Variants in IFNA16 observed in about 807,000 individuals in gnomAD.
The protein encoded by IFNA16 is interferon alpha 16, also known as interferon alpha-16.
For synonymous variants in IFNA16, 122 were observed against 83.3 expected, an observed-to-expected ratio of 1.46 and a Z score of -2.53; for missense variants, 332 against 213.5, an observed-to-expected ratio of 1.55 and a Z score of -3.46.
chr9:21,217,001 T>G lies in IFNA16; in HGVS notation c.305A>C (p.Glu102Ala), dbSNP rs144663260. 9.9e-6 allele frequency: 16 copies of G among 1,613,778 alleles called. No individual in the cohort carries two copies. In the African/African-American group the frequency reaches 2.1e-4, roughly 22 times the overall value. Residue 102 changes from glutamate (E) to alanine (A), a missense_variant, in exon 1 of 1, where the codon GAG becomes GCG. Physicochemically the swap from Glu to Ala is moderately radical, Grantham distance 107 (BLOSUM62 -1). Transcript: ENST00000380216. ...STKDSSAAWD[E>A]TLLDKFYIEL... ...AATGTAGAATTTGTCTAGGAGGGTC[T>G]CATCCCAAGCAGCAGATGAATCCTT...
chr9:21,216,707 T>A lies in IFNA16; in HGVS notation c.*29A>T, dbSNP rs1378973953. On this transcript the variant is annotated 3_prime_UTR_variant, in exon 1 of 1. Transcript: ENST00000380216. Reference sequence around the variant, plus strand: ...AAGTGTGAGATGATGTATTAATCAATGAGGATCATTTCCATGTTGAATGAG... The same window carrying A: ...AAGTGTGAGATGATGTATTAATCAAAGAGGATCATTTCCATGTTGAATGAG... The A allele has an allele frequency of 6.2e-7, 1 of 1,606,766 alleles. No homozygotes were observed. Among genetic ancestry groups the A allele is most frequent in the Non-Finnish European group, 8.5e-7 (1 of 1,176,738 alleles).
In IFNA16 at chr9:21,217,054, G is replaced by C; in HGVS notation, c.252C>G (p.Ile84Met). The change falls in exon 1 of 1, where the codon ATC (isoleucine) becomes ATG (methionine). Residue 84 changes from isoleucine (I) to methionine (M), a missense_variant. Physicochemically the swap from Ile to Met is conservative, Grantham distance 10. Transcript: ENST00000380216. ...AQAISAFHEM[I>M]QQTFNLFSTK... ...TGCTGAAGAGATTGAAGGTCTGCTG[G>C]ATCATCTCATGGAAGGCAGAGATGG... 5.0e-6 allele frequency: 8 copies of C among 1,613,864 alleles called. No homozygotes were observed. The highest frequency in any genetic ancestry group is 6.8e-6 in the Non-Finnish European group (8 of 1,179,856).
Position 21,216,594 on chromosome 9 carries a change from C to A in IFNA16, c.*142G>T, listed in dbSNP as rs1818455134. 2 of 1,242,486 alleles carry A rather than the reference C, an allele frequency of 1.6e-6. No homozygotes were observed. The highest frequency in any genetic ancestry group is 1.1e-6 in the Non-Finnish European group (1 of 901,642). 77.0% of individuals were successfully genotyped at this position (1,242,486 alleles called of 1,614,324 possible). A position where few individuals can be genotyped will look rare whatever the true frequency, so the allele number is the denominator to read the frequency against. ...AGTGCCTGCACAGGTAAACACGATG[C>A]TTCTTTACACTCCTGAAAACATTTG... On this transcript the variant is annotated 3_prime_UTR_variant, in exon 1 of 1. Coordinates refer to ENST00000380216, the MANE Select transcript of IFNA16 (RefSeq NM_002173.3).
Position 21,216,811 on chromosome 9 carries a change from C to T in IFNA16, c.495G>A (p.Glu165=). The change falls in exon 1 of 1, where the codon GAG becomes GAA. Residue 165 remains glutamate (E), a synonymous_variant. Coordinates refer to ENST00000380216, the MANE Select transcript of IFNA16 (RefSeq NM_002173.3). ...ATCTCATGATTTCTGCTCTGACAAC[C>T]TCCCAGGCACAAGGGCTGTATTTCT... ...MGKKYSPCAW[E]VVRAEIMRSF... 7 of 1,613,922 alleles carry T rather than the reference C, an allele frequency of 4.3e-6. No homozygotes were observed. Among genetic ancestry groups the T allele is most frequent in the Non-Finnish European group, 5.9e-6 (7 of 1,179,910 alleles).
In IFNA16 at chr9:21,216,785, G is replaced by T. The variant is rs1291962112; in HGVS notation, c.521C>A (p.Ser174Tyr). 6.2e-7 allele frequency: 1 copy of T among 1,613,624 alleles called. No individual in the cohort carries two copies. Among genetic ancestry groups the T allele is most frequent in the Admixed American group, 1.7e-5 (1 of 59,932 alleles). The part of the protein sequence containing the change: ...WEVVRAEIMR[S>Y]FSFSTNLQKG... ...TTGCAAGTTTGTTGAAAAAGAGAAGGATCTCATGATTTCTGCTCTGACAAC... is the reference window on the plus strand; with the variant it reads ...TTGCAAGTTTGTTGAAAAAGAGAAGTATCTCATGATTTCTGCTCTGACAAC... The change falls in exon 1 of 1, where the codon TCC becomes TAC. Residue 174 changes from serine (S) to tyrosine (Y), a missense_variant. By Grantham distance (144) the Ser-to-Tyr change is moderately radical. Transcript: ENST00000380216.
At position 21,216,959 on chromosome 9, in the gene IFNA16, A is replaced by C; in HGVS notation, c.347T>G (p.Leu116Arg). The C allele has an allele frequency of 6.2e-7, 1 of 1,613,842 alleles. No individual in the cohort carries two copies. The highest frequency in any genetic ancestry group is 1.3e-5 in the African/African-American group (1 of 74,934). Residue 116 changes from leucine (L) to arginine (R), a missense_variant, in exon 1 of 1, where the codon CTG (leucine) becomes CGG (arginine). Physicochemically the swap from Leu to Arg is moderately radical, Grantham distance 102. Transcript: ENST00000380216. ...DKFYIELFQQLNDLEACVTQE... is the reference protein window; with the variant it reads ...DKFYIELFQQRNDLEACVTQE... ...TGTCACACAGGCTTCTAGGTCATTC[A>C]GTTGCTGGAAAAGTTCAATGTAGAA...
In IFNA16 at chr9:21,216,952, G is replaced by C; in HGVS notation, c.354C>G (p.Asp118Glu). The change falls in exon 1 of 1, where the codon GAC (aspartate) becomes GAG (glutamate). Residue 118 changes from aspartate (D) to glutamate (E), a missense_variant. Physicochemically the swap from Asp to Glu is conservative, Grantham distance 45. Coordinates refer to ENST00000380216, the MANE Select transcript of IFNA16 (RefSeq NM_002173.3). ...CCTCCTGTGTCACACAGGCTTCTAG[G>C]TCATTCAGTTGCTGGAAAAGTTCAA... ...FYIELFQQLN[D>E]LEACVTQEVG... The C allele has an allele frequency of 6.2e-7, 1 of 1,613,870 alleles. No homozygotes were observed. The highest frequency in any genetic ancestry group is 8.5e-7 in the Non-Finnish European group (1 of 1,179,934).
Position 21,216,462 on chromosome 9 carries a change from A to C in IFNA16, c.*274T>G. ...TACATTAAGCAAAATGTAAAGGTACACATGATATTACATAAAACATGATTT... is the reference window on the plus strand; with the variant it reads ...TACATTAAGCAAAATGTAAAGGTACCCATGATATTACATAAAACATGATTT... On this transcript the variant is annotated 3_prime_UTR_variant, in exon 1 of 1. Coordinates refer to ENST00000380216, the MANE Select transcript of IFNA16 (RefSeq NM_002173.3). 5.1e-6 allele frequency: 1 copy of C among 196,944 alleles called. No homozygotes were observed. The allele number at this position is 196,944 out of a possible 1,614,324, so 12.2% of individuals were successfully genotyped here. A position where few individuals can be genotyped will look rare whatever the true frequency, so the allele number is the denominator to read the frequency against.
In IFNA16 at chr9:21,216,801, C is replaced by T; in HGVS notation, c.505G>A (p.Ala169Thr). The change falls in exon 1 of 1, where the codon GCA becomes ACA. Residue 169 changes from alanine (A) to threonine (T), a missense_variant. Coordinates refer to ENST00000380216, the MANE Select transcript of IFNA16 (RefSeq NM_002173.3). ...YSPCAWEVVR[A>T]EIMRSFSFST... is the part of the protein sequence containing the mutation. ...AAAGAGAAGGATCTCATGATTTCTG[C>T]TCTGACAACCTCCCAGGCACAAGGG... The T allele has an allele frequency of 1.9e-6, 3 of 1,613,918 alleles. No individual in the cohort carries two copies. The highest frequency in any genetic ancestry group is 2.5e-6 in the Non-Finnish European group (3 of 1,179,912).
chr9:21,216,637 T>C lies in IFNA16; in HGVS notation c.*99A>G, dbSNP rs939590096. On this transcript the variant is annotated 3_prime_UTR_variant, in exon 1 of 1. Coordinates refer to ENST00000380216, the MANE Select transcript of IFNA16 (RefSeq NM_002173.3). ...AACATTTGAAAATTTTGATTCAACTTGTGGTGGTTATAGAAGTGAGTCTTT... is the reference window on the plus strand; with the variant it reads ...AACATTTGAAAATTTTGATTCAACTCGTGGTGGTTATAGAAGTGAGTCTTT... The C allele has an allele frequency of 1.9e-5, 28 of 1,509,286 alleles. No individual in the cohort carries two copies. The East Asian group carries it at 4.5e-4, about 24-fold the overall frequency. 93.5% of individuals were successfully genotyped at this position (1,509,286 alleles called of 1,614,324 possible).
At position 21,217,122 on chromosome 9, in the gene IFNA16, G is replaced by A; in HGVS notation, c.184C>T (p.Pro62Ser). The change falls in exon 1 of 1, where the codon CCC becomes TCC. Residue 62 changes from proline (P) to serine (S), a missense_variant. Physicochemically the swap from Pro to Ser is moderately conservative, Grantham distance 74 (BLOSUM62 -1). Coordinates refer to ENST00000380216, the MANE Select transcript of IFNA16 (RefSeq NM_002173.3). ...CLKDRYDFGF[P>S]QEVFDGNQFQ... is the part of the protein sequence containing the mutation. ...TGGTTGCCATCAAACACCTCCTGGG[G>A]GAATCCGAAATCATATCTGTCCTTC... The A allele has an allele frequency of 6.2e-7, 1 of 1,613,932 alleles. No individual in the cohort carries two copies. The highest frequency in any genetic ancestry group is 8.5e-7 in the Non-Finnish European group (1 of 1,179,954).
chr9:21,216,768 T>G lies in IFNA16; in HGVS notation c.538A>C (p.Asn180His), dbSNP rs1421878780. 1 of 1,613,616 alleles carries G rather than the reference T, an allele frequency of 6.2e-7. No homozygotes were observed. Among genetic ancestry groups the G allele is most frequent in the Non-Finnish European group, 8.5e-7 (1 of 1,179,870 alleles). Residue 180 changes from asparagine to histidine, a missense_variant, in exon 1 of 1, where the codon AAC becomes CAC. By Grantham distance (68) the Asn-to-His change is moderately conservative (BLOSUM62 1). Coordinates refer to ENST00000380216, the MANE Select transcript of IFNA16 (RefSeq NM_002173.3). ...EIMRSFSFST[N>H]LQKGLRRKD ...TTCCTTCTTAATCCTTTTTGCAAGT[T>G]TGTTGAAAAAGAGAAGGATCTCATG...
chr9:21,216,518 T>C lies in IFNA16; in HGVS notation c.*218A>G, dbSNP rs41313462. 2,429 of 334,226 alleles carry C rather than the reference T, an allele frequency of 7.3e-3. 21 individuals carry two copies. Among genetic ancestry groups the C allele is most frequent in the Non-Finnish European group, 0.011 (2,093 of 193,546 alleles). The allele number at this position is 334,226 out of a possible 1,614,324, so 20.7% of individuals were successfully genotyped here. ...TTAAAAATAGTTAAATAAATAAATA[T>C]TTAAATAAATAGATGAATAGAGACA... On this transcript the variant is annotated 3_prime_UTR_variant, in exon 1 of 1. Transcript: ENST00000380216.
chr9:21,217,127 C>A lies in IFNA16; in HGVS notation c.179G>T (p.Gly60Val). The change falls in exon 1 of 1, where the codon GGA becomes GTA. Residue 60 changes from glycine (G) to valine (V), a missense_variant. By Grantham distance (109) the Gly-to-Val change is moderately radical. Transcript: ENST00000380216. ...GCCATCAAACACCTCCTGGGGGAAT[C>A]CGAAATCATATCTGTCCTTCAGGCA... The part of the protein sequence containing the change: ...FSCLKDRYDF[G>V]FPQEVFDGNQ... The A allele has an allele frequency of 6.2e-7, 1 of 1,613,998 alleles. No individual in the cohort carries two copies. Among genetic ancestry groups the A allele is most frequent in the Middle Eastern group, 1.6e-4 (1 of 6,062 alleles).
At position 21,216,411 on chromosome 9, in the gene IFNA16, A is replaced by T. The variant is rs1382960958; in HGVS notation, c.*325T>A. On this transcript the variant is annotated 3_prime_UTR_variant, in exon 1 of 1. Transcript: ENST00000380216. ...TTAATGAAAAGGAAGTTAATATATT[A>T]ACTAAATATGAAGAACATATATTGT... 6.3e-6 allele frequency: 1 copy of T among 158,270 alleles called. No homozygotes were observed. The highest frequency in any genetic ancestry group is 2.0e-4 in the South Asian group (1 of 4,896). 9.8% of individuals were successfully genotyped at this position (158,270 alleles called of 1,614,324 possible).
Position 21,216,926 on chromosome 9 carries a change from A to T in IFNA16, c.380T>A (p.Val127Asp). Residue 127 changes from valine (V) to aspartate (D), a missense_variant, in exon 1 of 1, where the codon GTT (valine) becomes GAT (aspartate). By Grantham distance (152) the Val-to-Asp change is radical (BLOSUM62 -3). Transcript: ENST00000380216. ...NDLEACVTQE[V>D]GVEEIALMNE... ...CATCAGGGCAATCTCTTCCACCCCAACCTCCTGTGTCACACAGGCTTCTAG... is the reference window on the plus strand; with the variant it reads ...CATCAGGGCAATCTCTTCCACCCCATCCTCCTGTGTCACACAGGCTTCTAG... 1 of 1,613,802 alleles carries T rather than the reference A, an allele frequency of 6.2e-7. No homozygotes were observed. The highest frequency in any genetic ancestry group is 8.5e-7 in the Non-Finnish European group (1 of 1,179,902).
rs751802073 is a variant in IFNA16, at chr9:21,216,967, G to C, written c.339C>G (p.Phe113Leu). The C allele has an allele frequency of 1.2e-6, 2 of 1,613,846 alleles. No individual in the cohort carries two copies. Among genetic ancestry groups the C allele is most frequent in the East Asian group, 4.5e-5 (2 of 44,860 alleles). Residue 113 changes from phenylalanine to leucine, a missense_variant, in exon 1 of 1, where the codon TTC becomes TTG. Transcript: ENST00000380216. ...TLLDKFYIELFQQLNDLEACV... is the reference protein window; with the variant it reads ...TLLDKFYIELLQQLNDLEACV... ...AGGCTTCTAGGTCATTCAGTTGCTG[G>C]AAAAGTTCAATGTAGAATTTGTCTA...
chr9:21,217,060 C>T lies in IFNA16; in HGVS notation c.246G>A (p.Glu82=), dbSNP rs759101838. 6.2e-7 allele frequency: 1 copy of T among 1,613,894 alleles called. No individual in the cohort carries two copies. Among genetic ancestry groups the T allele is most frequent in the Admixed American group, 1.7e-5 (1 of 59,992 alleles). The change falls in exon 1 of 1, where the codon GAG becomes GAA. Residue 82 remains glutamate (E), a synonymous_variant. Transcript: ENST00000380216. Reference sequence around the variant, plus strand: ...AGAGATTGAAGGTCTGCTGGATCATCTCATGGAAGGCAGAGATGGCTTGAG... The same window carrying T: ...AGAGATTGAAGGTCTGCTGGATCATTTCATGGAAGGCAGAGATGGCTTGAG... ...QKAQAISAFH[E]MIQQTFNLFS...
rs1196395781 is a variant in IFNA16, at chr9:21,217,212, G to C, written c.94C>G (p.Leu32Val). Residue 32 changes from leucine (L) to valine (V), a missense_variant, in exon 1 of 1, where the codon CTG becomes GTG. Transcript: ENST00000380216. ...LGCDLPQTHSLGNRRALILLA... is the reference protein window; with the variant it reads ...LGCDLPQTHSVGNRRALILLA... ...AGTATCAAGGCCCTCCTATTACCCA[G>C]GCTGTGAGTCTGAGGCAGATCACAG... The C allele has an allele frequency of 4.3e-6, 7 of 1,613,952 alleles. No homozygotes were observed. The highest frequency in any genetic ancestry group is 5.1e-6 in the Non-Finnish European group (6 of 1,179,936).
Sources: gnomAD v4.1 joint callset for allele counts on GRCh38, gnomAD v4.1.1 for gene constraint, MANE v1.5 for transcripts, NCBI Gene and HGNC (gene_info 2026-07-23, HGNC 2026-07-21) for gene names.